SPATA6L: variants seen among roughly 807,000 people sequenced by gnomAD.
SPATA6L encodes the protein spermatogenesis associated 6-like protein.
SPATA6L carries 68 observed loss-of-function variants against 49.2 expected under a neutral mutation model. That is an observed-to-expected ratio of 1.38 (90% CI 1.14 to 1.69). The LOEUF is 1.69. Ranked by LOEUF, SPATA6L falls within the 40% of genes most tolerant of loss-of-function variation. The pLI is 0.00. For missense variants in SPATA6L, 668 were observed against 464.3 expected (o/e 1.44, Z -4.03); for synonymous variants, 198 against 165.7 (o/e 1.19, Z -1.50).
chr9:4,655,966 A>T (rs751729195), intron 3 of SPATA6L, 75 bp downstream of exon 3: 6 of 1,141,512 alleles, frequency 5.3e-6, no homozygotes, highest in Non-Finnish European at 7.7e-6. Context: ...CAGTTTAGAA[A>T]AGAGCAGAGT....
In SPATA6L at chr9:4,656,097, G is replaced by A; in HGVS notation, c.178-8C>T. The A allele has an allele frequency of 6.2e-7, 1 of 1,609,030 alleles. No homozygotes were observed. The highest frequency in any genetic ancestry group is 8.5e-7 in the Non-Finnish European group (1 of 1,177,024). On this transcript the variant is annotated splice_polypyrimidine_tract_variant and splice_region_variant and intron_variant, in intron 2 of 11. Transcript: ENST00000682582. ...TACTGCACTTTCAAATACCTGCAGA[G>A]AAAAATGGGGAAAATAAATTTTCAA...
chr9:4,633,480 T>G (rs898247374), intron 4 of SPATA6L: 1 of 156,952 alleles, frequency 6.4e-6, no homozygotes, highest in Non-Finnish European at 1.4e-5. Flanking sequence ...CTAAAAAAGA[T>G]GATATCTGCC....
At chr9:4,638,249 T>A (rs1042226568) in intron 3 of SPATA6L, among the ~76,000 whole-genome samples, 1 of 152,198 alleles carries the variant, frequency 6.6e-6, no homozygotes, top group African/African-American at 2.4e-5. Flanking sequence ...CTCGCTCTTA[T>A]TGCCCAGACT....
At chr9:4,613,535 T>C (rs777174963) in intron 9 of SPATA6L, among the ~76,000 whole-genome samples, 1 of 152,044 alleles carries the variant, frequency 6.6e-6, no homozygotes. Context: ...AAGCACCACC[T>C]AAAGCACTGC....
intron 3 of SPATA6L, among the ~76,000 whole-genome samples, chr9:4,646,724 G>C (rs529068958): frequency 7.2e-5 from 11 of 152,134 alleles, no homozygotes; most frequent in African/African-American, 2.6e-4. Flanking sequence ...GAGAATAACA[G>C]AATTATAAAA....
chr9:4,593,752 T>C (rs1822053794), downstream of SPATA6L, among the ~76,000 whole-genome samples: 1 of 152,220 alleles, frequency 6.6e-6, no homozygotes, highest in South Asian at 2.1e-4. Flanking sequence ...CACTAAGTTA[T>C]TTTTCCTTGG....
chr9:4,610,785 A>C (rs890179480), intron 9 of SPATA6L, among the ~76,000 whole-genome samples: 4 of 152,110 alleles, frequency 2.6e-5, no homozygotes, highest in Admixed American at 2.0e-4. Flanking sequence ...ACAAAAGCCA[A>C]AATTGACAAA....
chr9:4,593,175 C>A (rs1370846753), intron 13 of SPATA6L, among the ~76,000 whole-genome samples: 1 of 152,146 alleles, frequency 6.6e-6, no homozygotes, highest in Non-Finnish European at 1.5e-5. Context: ...TATAATGCTT[C>A]AAAATGCCTA....
intron 3 of SPATA6L, 74 bp from the exon 4 acceptor site, chr9:4,635,473 G>A: frequency 2.8e-6 from 4 of 1,443,336 alleles, no homozygotes; most frequent in Non-Finnish European, 2.8e-6. Context: ...AGTTCAGGCA[G>A]ATGATGGCAG....
intron 3 of SPATA6L, among the ~76,000 whole-genome samples, chr9:4,640,490 G>A (rs939691164): frequency 1.3e-5 from 2 of 151,992 alleles, no homozygotes; most frequent in Non-Finnish European, 2.9e-5. Context: ...TAACAATTCA[G>A]CCAATAGAGA....
chr9:4,635,448 G>T, intron 3 of SPATA6L, 49 bp from the exon 4 acceptor site: 1 of 1,533,216 alleles, frequency 6.5e-7, no homozygotes, highest in Non-Finnish European at 8.7e-7. Flanking sequence ...ACACCTCCAG[G>T]CTTAACAAAA....
In SPATA6L at chr9:4,662,485, G is replaced by C. The variant is rs754890051; in HGVS notation, c.40-449C>G. ...CATGGCGGCGGTGGCGGCGGCAGCAGGTTTGAGTTCCAGTCCCTGCTCAGC... is the reference window on the plus strand; with the variant it reads ...CATGGCGGCGGTGGCGGCGGCAGCACGTTTGAGTTCCAGTCCCTGCTCAGC... On this transcript the variant is annotated intron_variant, in intron 1 of 11. Coordinates refer to ENST00000682582, the MANE Select transcript of SPATA6L (RefSeq NM_001353486.2). The surrounding 1 kb of genome is among the most constrained non-coding windows in gnomAD (Gnocchi z 4.9). 2 of 1,556,462 alleles carry C rather than the reference G, an allele frequency of 1.3e-6. No individual in the cohort carries two copies. The highest frequency in any genetic ancestry group is 1.9e-5 in the Admixed American group (1 of 53,890).
intron 11 of SPATA6L, among the ~76,000 whole-genome samples, chr9:4,602,490 TA>T (rs1213916312): frequency 3.3e-5 from 5 of 152,186 alleles, no homozygotes; most frequent in African/African-American, 1.2e-4. Context: ...ACTTGTTCTG[TA>T]AAGCATGCAT....
chr9:4,663,784 T>C (rs1840419155), intron 1 of SPATA6L: 1 of 167,070 alleles, frequency 6.0e-6, no homozygotes, highest in Non-Finnish European at 1.5e-5. Context: ...TGAAGATCTG[T>C]TGCCACAGTT....
intron 3 of SPATA6L, among the ~76,000 whole-genome samples, chr9:4,647,011 C>G (rs1004885868): frequency 1.3e-5 from 2 of 151,778 alleles, no homozygotes; most frequent in Non-Finnish European, 2.9e-5. Flanking sequence ...AACAAATCCC[C>G]ATGATACGGG....
intron 3 of SPATA6L, among the ~76,000 whole-genome samples, chr9:4,652,327 C>A (rs943564709): frequency 1.3e-5 from 2 of 151,860 alleles, no homozygotes; most frequent in African/African-American, 4.8e-5. Flanking sequence ...GAGGCTGAGG[C>A]AGGAGAATTG....
intron 3 of SPATA6L, among the ~76,000 whole-genome samples, chr9:4,645,679 T>C (rs754779126): frequency 4.6e-5 from 7 of 152,222 alleles, no homozygotes; most frequent in African/African-American, 7.2e-5. Context: ...AATTAAAATC[T>C]GATACATGCT....
chr9:4,620,300 C>T (rs1425115095), intron 7 of SPATA6L, among the ~76,000 whole-genome samples: 1 of 151,438 alleles, frequency 6.6e-6, no homozygotes, highest in African/African-American at 2.4e-5. Flanking sequence ...GGCCTCATAA[C>T]CTCCTTCCTC....
At chr9:4,654,852 G>A (rs568766802) in intron 3 of SPATA6L, among the ~76,000 whole-genome samples, 1 of 150,682 alleles carries the variant, frequency 6.6e-6, no homozygotes, top group East Asian at 1.9e-4. Flanking sequence ...ATGGTCTTGG[G>A]AAATGCAACA....
Sources: allele counts gnomAD v4.1 joint callset (sites outside exome capture counted in the v4.1 genomes callset), GRCh38; gene constraint gnomAD v4.1.1; non-coding constraint Gnocchi (gnomAD v3.1); transcripts MANE v1.5; gene names NCBI Gene and HGNC (gene_info 2026-07-23, HGNC 2026-07-21).